FGF12: variants seen among roughly 807,000 people sequenced by gnomAD.
FGF12 encodes fibroblast growth factor 12, also known as fibroblast growth factor 12B.
FGF12 carries 14 observed loss-of-function variants against 23.6 expected under a neutral mutation model. The observed-to-expected ratio is 0.59, with a 90% CI of 0.39 to 0.93. FGF12 has a LOEUF of 0.93. Among genes scored for constraint, FGF12 ranks in the 40% least tolerant of loss-of-function variants. The probability of loss-of-function intolerance (pLI) is 0.00; values close to 1 mark genes in which losing one functional copy is unlikely to be tolerated. For synonymous variants in FGF12, 62 were observed against 77.3 expected (o/e 0.80, Z 1.04); for missense variants, 175 against 217.8 (o/e 0.80, Z 1.24).
intron 2 of FGF12, among the ~76,000 whole-genome samples, chr3:192,656,464 C>T (rs1716430847): frequency 6.6e-6 from 1 of 152,162 alleles, no homozygotes; most frequent in Non-Finnish European, 1.5e-5. Context: ...TTCTCTAGTG[C>T]AGTGGTTCTC....
intron 2 of FGF12, among the ~76,000 whole-genome samples, chr3:192,493,860 A>G (rs529476822): frequency 7.2e-5 from 11 of 152,220 alleles, no homozygotes; most frequent in Admixed American, 5.2e-4. Context: ...CACCTCCAGC[A>G]CTGGGAATTA....
At chr3:192,337,385 T>C (rs1717471261) in intron 3 of FGF12, among the ~76,000 whole-genome samples, 1 of 151,842 alleles carries the variant, frequency 6.6e-6, no homozygotes, top group African/African-American at 2.4e-5. Context: ...TTTTGCAGAG[T>C]AATGTGTGTA....
intron 2 of FGF12, among the ~76,000 whole-genome samples, chr3:192,602,407 G>A (rs1014443767): frequency 6.6e-6 from 1 of 152,034 alleles, no homozygotes; most frequent in East Asian, 1.9e-4. Context: ...CCAGGAGGTG[G>A]TATTTGTGCA....
chr3:192,673,550 C>G (rs936217112), intron 2 of FGF12, among the ~76,000 whole-genome samples: 2 of 150,708 alleles, frequency 1.3e-5, no homozygotes, highest in African/African-American at 4.8e-5. Context: ...CTCCTGCCCC[C>G]CTGACAGGCT....
chr3:192,394,320 C>T (rs1720430255), intron 2 of FGF12, among the ~76,000 whole-genome samples: 1 of 152,042 alleles, frequency 6.6e-6, no homozygotes, highest in African/African-American at 2.4e-5. Flanking sequence ...CAATTTGTGT[C>T]CAGTTGAATG....
intron 4 of FGF12, among the ~76,000 whole-genome samples, chr3:192,331,115 C>A (rs1352058475): frequency 1.3e-5 from 2 of 151,868 alleles, no homozygotes; most frequent in African/African-American, 4.8e-5. Context: ...AAAAGATGCC[C>A]ATTACTACTA....
chr3:192,561,076 T>C (rs1396258158), intron 2 of FGF12, among the ~76,000 whole-genome samples: 1 of 152,170 alleles, frequency 6.6e-6, no homozygotes, highest in African/African-American at 2.4e-5. Context: ...ACTCCATTTA[T>C]CTGATATGCC....
rs904704809 is a variant in FGF12 at position 192,217,714 on chromosome 3, C to G, written c.229-47058G>C. Among the ~76,000 whole-genome samples the G allele has an allele frequency of 2.0e-5, 3 of 152,188 alleles. No individual in the cohort carries two copies. In the East Asian group the frequency reaches 5.8e-4, roughly 29 times the overall value. On this transcript the variant is annotated intron_variant, in intron 4 of 5. Transcript: ENST00000445105. The stretch of plus-strand genomic sequence containing the variant: ...TGCTTTAAATAGTTTTGTAACGGTA[C>G]ACATGCATTTAGTTCTTTTAAAATC...
intron 2 of FGF12, among the ~76,000 whole-genome samples, chr3:192,601,807 T>C (rs1364073704): frequency 6.6e-6 from 1 of 152,194 alleles, no homozygotes; most frequent in East Asian, 1.9e-4. Context: ...AGATTCTTTA[T>C]AATACCTACT....
At chr3:192,192,358 TACAC>T (rs1235800173) in intron 4 of FGF12, among the ~76,000 whole-genome samples, 2 of 150,588 alleles carry the variant, frequency 1.3e-5, no homozygotes, top group African/African-American at 4.9e-5. Flanking sequence ...AAATTATATA[TACAC>T]ATTTACACAT....
chr3:192,330,036 T>C (rs1717026692), intron 4 of FGF12, among the ~76,000 whole-genome samples: 1 of 152,182 alleles, frequency 6.6e-6, no homozygotes, highest in Admixed American at 6.5e-5. Context: ...ACTGTGAGAT[T>C]AAATTTAATC....
chr3:192,204,903 A>AAAGAAAGT (rs540364799), intron 4 of FGF12, among the ~76,000 whole-genome samples: 2 of 152,130 alleles, frequency 1.3e-5, no homozygotes, highest in Admixed American at 6.5e-5. Flanking sequence ...AGAGAAAAAA[A>AAAGAAAGT]AAGAAAGTAA....
intron 4 of FGF12, among the ~76,000 whole-genome samples, chr3:192,299,880 T>C (rs749779733): frequency 2.6e-5 from 4 of 152,172 alleles, no homozygotes; most frequent in Non-Finnish European, 4.4e-5. Context: ...TCTAAGATAG[T>C]CTTTCCACAG....
chr3:192,211,431 G>C (rs1717921538), intron 4 of FGF12, among the ~76,000 whole-genome samples: 1 of 152,042 alleles, frequency 6.6e-6, no homozygotes, highest in Non-Finnish European at 1.5e-5. Context: ...TGATTTATTT[G>C]TTTATTTTTT....
chr3:192,306,225 A>G (rs9827826), intron 4 of FGF12, among the ~76,000 whole-genome samples: 19,115 of 152,068 alleles, frequency 0.13, 1,452 homozygotes, highest in African/African-American at 0.2. Flanking sequence ...TTTTGTTTAT[A>G]TGATTTCAAT....
chr3:192,701,324 A>G (rs1241135757), intron 2 of FGF12, among the ~76,000 whole-genome samples: 1 of 152,144 alleles, frequency 6.6e-6, no homozygotes, highest in African/African-American at 2.4e-5. Flanking sequence ...TGTCTCCCTA[A>G]AACGTATAAA....
At chr3:192,490,620 T>C (rs2108825759) in intron 2 of FGF12, among the ~76,000 whole-genome samples, 1 of 152,118 alleles carries the variant, frequency 6.6e-6, no homozygotes, top group African/African-American at 2.4e-5. Context: ...GAAAACACTA[T>C]TCATAAAAAC....
At chr3:192,441,673 T>A (rs1722204544) in intron 2 of FGF12, among the ~76,000 whole-genome samples, 2 of 152,366 alleles carry the variant, frequency 1.3e-5, no homozygotes, top group African/African-American at 4.8e-5. Flanking sequence ...TTGTCTGGAT[T>A]ATTTTCTTCT....
intron 2 of FGF12, among the ~76,000 whole-genome samples, chr3:192,660,189 G>T (rs1716600101): frequency 6.6e-6 from 1 of 151,668 alleles, no homozygotes; most frequent in African/African-American, 2.4e-5. Context: ...CATAAAAAAG[G>T]ATGAGTTCAT....
Sources: gnomAD v4.1 joint callset for allele counts (sites outside exome capture counted in the v4.1 genomes callset) on GRCh38, gnomAD v4.1.1 for gene constraint, MANE v1.5 for transcripts, NCBI Gene and HGNC (gene_info 2026-07-23, HGNC 2026-07-21) for gene names.